The following CST8 variants were observed in gnomAD, a reference collection of about 807,000 sequenced individuals.
CST8 encodes the protein cystatin-8.
In CST8, 20 loss-of-function variants were observed where a neutral mutation model predicts 11.8. The ratio of observed to expected loss-of-function variants is 1.70; its 90% CI spans 1.20 to 2.47. CST8 has a LOEUF of 2.47. Among genes scored for constraint, CST8 ranks in the 30% most tolerant of loss-of-function variants. The pLI is 0.00. For missense variants in CST8, 196 were observed against 167.2 expected (o/e 1.17, Z -0.95); for synonymous variants, 77 against 63.1 (o/e 1.22, Z -1.05).
At chr20:23,493,573 C>T (rs868230427) in intron 3 of CST8, among the ~76,000 whole-genome samples, 1 of 152,210 alleles carries the variant, frequency 6.6e-6, no homozygotes, top group South Asian at 2.1e-4. Context: ...GGTGGCCCCA[C>T]CCTCCTGGGT....
At chr20:23,501,853 C>T in the CST8 span, among the ~76,000 whole-genome samples, 11 of 152,304 alleles carry the variant, frequency 7.2e-5, no homozygotes, top group Admixed American at 2.0e-4. Flanking sequence ...CTTCAGATTC[C>T]TTGTTTTTAA....
rs1987888719 is a variant in CST8, at chr20:23,491,728, A to G, written c.61A>G (p.Arg21Gly). 19 of 1,613,958 alleles carry G rather than the reference A, an allele frequency of 1.2e-5. No individual in the cohort carries two copies. The highest frequency in any genetic ancestry group is 1.4e-5 in the Non-Finnish European group (17 of 1,179,968). ...LLTIPLALVA[R>G]KDPKKNETGV... ...CACCATTCCCCTGGCCCTGGTGGCC[A>G]GGAAAGACCCAAAAAAGAATGAGAC... The change falls in exon 2 of 4, where the codon AGG becomes GGG. Residue 21 changes from arginine (R) to glycine (G), a missense_variant. Transcript: ENST00000246012.
the CST8 span, among the ~76,000 whole-genome samples, chr20:23,503,978 T>C: frequency 6.6e-6 from 1 of 152,156 alleles, no homozygotes; most frequent in African/African-American, 2.4e-5. Flanking sequence ...CTGGAGTAGG[T>C]TCCAGAGAGT....
intron 1 of CST8, 70 bp downstream of exon 1, chr20:23,491,412 A>T: frequency 1.9e-6 from 1 of 525,982 alleles, no homozygotes. Flanking sequence ...CTCTCAGGGT[A>T]AGGAGGGGAG....
downstream of CST8, among the ~76,000 whole-genome samples, chr20:23,500,024 CAGAG>C (rs1988145742): frequency 6.6e-6 from 1 of 150,460 alleles, no homozygotes; most frequent in African/African-American, 2.5e-5. Flanking sequence ...GAGAGAGAAA[CAGAG>C]AGGACAGAGA....
the CST8 span, among the ~76,000 whole-genome samples, chr20:23,502,198 C>T: frequency 6.6e-6 from 1 of 152,204 alleles, no homozygotes. Context: ...AAAGCCAGCA[C>T]TTACTGAAAT....
chr20:23,506,698 A>G, the CST8 span, among the ~76,000 whole-genome samples: 3 of 152,176 alleles, frequency 2.0e-5, no homozygotes, highest in African/African-American at 7.2e-5. Context: ...CTGACTACCT[A>G]TCATATATAG....
chr20:23,506,944 A>G, the CST8 span, among the ~76,000 whole-genome samples: 5 of 152,258 alleles, frequency 3.3e-5, no homozygotes, highest in East Asian at 5.8e-4. Context: ...GCTTTCATCT[A>G]TGGTCTAAAC....
chr20:23,492,671 T>C (rs978882205), intron 2 of CST8, among the ~76,000 whole-genome samples: 12 of 152,136 alleles, frequency 7.9e-5, no homozygotes, highest in African/African-American at 2.7e-4. Flanking sequence ...TGCCCTGGGC[T>C]TGGGGACAGG....
At chr20:23,499,742 C>T (rs1343005584), downstream of CST8, among the ~76,000 whole-genome samples, 2 of 152,154 alleles carry the variant, frequency 1.3e-5, no homozygotes, top group Non-Finnish European at 2.9e-5. Context: ...CATGGCCATG[C>T]TGTGAGTGAG....
chr20:23,505,784 T>G, the CST8 span, among the ~76,000 whole-genome samples: 1 of 152,160 alleles, frequency 6.6e-6, no homozygotes, highest in African/African-American at 2.4e-5. Context: ...ATGCTGAATC[T>G]CGTGCCCATC....
the CST8 span, among the ~76,000 whole-genome samples, chr20:23,505,018 G>T: frequency 3.4e-3 from 520 of 152,060 alleles, 6 homozygotes; most frequent in African/African-American, 0.012. Flanking sequence ...CTTGATTGGG[G>T]TTCCTTGAAT....
downstream of CST8, among the ~76,000 whole-genome samples, chr20:23,499,571 C>G (rs1295459082): frequency 1.3e-5 from 2 of 152,222 alleles, no homozygotes; most frequent in African/African-American, 4.8e-5. Context: ...TGCAGGAGCA[C>G]TGGGAACACA....
In CST8 at chr20:23,491,120, G is replaced by T. The variant is rs1568653474; in HGVS notation, c.-366G>T. 6.5e-6 allele frequency: 1 copy of T among 154,334 alleles called. No homozygotes were observed. Among genetic ancestry groups the T allele is most frequent in the East Asian group, 1.9e-4 (1 of 5,200 alleles). The allele number at this position is 154,334 out of a possible 1,614,324, so 9.6% of individuals were successfully genotyped here. On this transcript the variant is annotated 5_prime_UTR_variant, in exon 1 of 4. Coordinates refer to ENST00000246012, the MANE Select transcript of CST8 (RefSeq NM_005492.4). ...GAGACCGCAGACCAGGACCCACAGAGACCCTTGACTGGGCCACAGGCATGA... is the reference window on the plus strand; with the variant it reads ...GAGACCGCAGACCAGGACCCACAGATACCCTTGACTGGGCCACAGGCATGA...
At chr20:23,505,850 C>T in the CST8 span, among the ~76,000 whole-genome samples, 7 of 152,160 alleles carry the variant, frequency 4.6e-5, no homozygotes, top group Non-Finnish European at 1.0e-4. Flanking sequence ...GGTTTGTGTG[C>T]ACATTAAAGC....
At chr20:23,506,799 G>A in the CST8 span, among the ~76,000 whole-genome samples, 1 of 152,112 alleles carries the variant, frequency 6.6e-6, no homozygotes, top group Non-Finnish European at 1.5e-5. Context: ...GGTCCCAAGA[G>A]TTCTCAGCCA....
intron 3 of CST8, among the ~76,000 whole-genome samples, chr20:23,495,129 G>C (rs1489155594): frequency 6.6e-6 from 1 of 152,096 alleles, no homozygotes; most frequent in Non-Finnish European, 1.5e-5. Flanking sequence ...TCATATTACT[G>C]CAAAGGACAT....
At chr20:23,501,891 G>C in the CST8 span, among the ~76,000 whole-genome samples, 1 of 152,186 alleles carries the variant, frequency 6.6e-6, no homozygotes, top group Non-Finnish European at 1.5e-5. Flanking sequence ...CAAATACAGA[G>C]ACATTCTGAG....
In CST8 at chr20:23,491,840, AAG is replaced by A. The variant is rs1303827147; in HGVS notation, c.178_179del (p.Ser60ArgfsTer27). On this transcript the variant is annotated frameshift_variant, in exon 2 of 4. Transcript: ENST00000246012. LOFTEE classifies it high-confidence loss of function. ...TGGTTTGCCATGCAAGAATACAACA[AAG>A]AGAGCGAGGACAAGTATGTCTTCCT... 3 of 1,614,220 alleles carry A rather than the reference AAG, an allele frequency of 1.9e-6. No homozygotes were observed. The highest frequency in any genetic ancestry group is 8.5e-7 in the Non-Finnish European group (1 of 1,180,038).
Sources: gnomAD v4.1 joint callset for allele counts (sites outside exome capture counted in the v4.1 genomes callset) on GRCh38, gnomAD v4.1.1 for gene constraint, MANE v1.5 for transcripts, NCBI Gene and HGNC (gene_info 2026-07-23, HGNC 2026-07-21) for gene names.